The following MGST2 variants were observed in gnomAD, a reference collection of about 807,000 sequenced individuals.
The protein encoded by MGST2 is glutathione peroxidase MGST2.
Under a neutral mutation model 16.6 loss-of-function variants are expected in MGST2, and 9 were observed. The observed-to-expected ratio is 0.54, with a 90% CI of 0.33 to 0.95. MGST2 has a LOEUF of 0.95. Among genes scored for constraint, MGST2 ranks in the 40% least tolerant of loss-of-function variants. The pLI is 0.03. For missense variants in MGST2, 159 were observed against 175.1 expected (o/e 0.91, Z 0.52); for synonymous variants, 79 against 68.0 (o/e 1.16, Z -0.79).
Position 139,710,788 on chromosome 4 carries a change from T to A in MGST2, c.*48+6592T>A, listed in dbSNP as rs1262842632. Among the ~76,000 whole-genome samples, 4 of 152,194 alleles carry A rather than the reference T, an allele frequency of 2.6e-5. No homozygotes were observed. The East Asian group carries it at 7.7e-4, about 29-fold the overall frequency. ...TGCCTAAATTTGATGATGACTTTAT[T>A]CTGTGGCCTACTTTTCCTCTTAACC... On this transcript the variant is annotated intron_variant, in intron 5 of 5. Transcript: ENST00000616265.
intron 5 of MGST2, chr4:139,719,413 C>T (rs764758618): frequency 1.5e-5 from 24 of 1,613,890 alleles, no homozygotes; most frequent in South Asian, 4.4e-5. Context: ...CTGCACCGTC[C>T]GGGAGGCCAG....
chr4:139,731,047 C>A (rs966666165), intron 5 of MGST2: 2 of 206,430 alleles, frequency 9.7e-6, no homozygotes, highest in Non-Finnish European at 2.0e-5. Flanking sequence ...CCTGACCTCA[C>A]CTGTTAATCC....
At chr4:139,754,271 T>C in the MGST2 span, among the ~76,000 whole-genome samples, 2 of 152,254 alleles carry the variant, frequency 1.3e-5, no homozygotes. Context: ...GTTCTTATAG[T>C]TCTTTAAACA....
intron 1 of MGST2, among the ~76,000 whole-genome samples, chr4:139,675,798 A>C (rs1168752360): frequency 1.3e-5 from 2 of 152,228 alleles, no homozygotes; most frequent in Non-Finnish European, 2.9e-5. Flanking sequence ...TATTAGCCAC[A>C]TATGTCATGA....
the MGST2 span, among the ~76,000 whole-genome samples, chr4:139,750,891 T>G: frequency 2.0e-5 from 3 of 152,238 alleles, no homozygotes; most frequent in Admixed American, 1.3e-4. Context: ...GTTTTGCTTT[T>G]ACATTTCTGA....
intron 1 of MGST2, among the ~76,000 whole-genome samples, chr4:139,675,253 C>T (rs1037246081): frequency 2.0e-5 from 3 of 152,250 alleles, no homozygotes; most frequent in East Asian, 1.9e-4. Flanking sequence ...TTTTTATTTC[C>T]GTGCTTGAGG....
At chr4:139,683,483 T>G (rs139600222) in intron 2 of MGST2, among the ~76,000 whole-genome samples, 2 of 152,196 alleles carry the variant, frequency 1.3e-5, no homozygotes, top group East Asian at 3.9e-4. Context: ...GGAGAGGCCT[T>G]AAGCATTATG....
chr4:139,710,587 C>G (rs926166014), intron 5 of MGST2, among the ~76,000 whole-genome samples: 1 of 152,108 alleles, frequency 6.6e-6, no homozygotes, highest in African/African-American at 2.4e-5. Context: ...CCCATGTTTT[C>G]TGGGAGAGTG....
chr4:139,725,502 T>C (rs967791247), intron 5 of MGST2, among the ~76,000 whole-genome samples: 6 of 152,202 alleles, frequency 3.9e-5, no homozygotes, highest in African/African-American at 1.4e-4. Context: ...CTCCGACAGC[T>C]ACCCTGACCC....
At chr4:139,677,224 C>T (rs530221341) in intron 1 of MGST2, among the ~76,000 whole-genome samples, 1 of 151,778 alleles carries the variant, frequency 6.6e-6, no homozygotes, top group East Asian at 1.9e-4. Flanking sequence ...TAAGGACATG[C>T]CCGTGACATA....
At chr4:139,704,749 T>C (rs1259537522), downstream of MGST2, among the ~76,000 whole-genome samples, 2 of 151,816 alleles carry the variant, frequency 1.3e-5, no homozygotes, top group African/African-American at 4.8e-5. Flanking sequence ...AGTGAAACCC[T>C]GTCTCTACTA....
chr4:139,700,388 C>T lies in MGST2; in HGVS notation c.230-3067C>T, dbSNP rs563623065. On this transcript the variant is annotated intron_variant, in intron 3 of 4. Transcript: ENST00000265498. ...TCTCGTGATCCGCCAGTCTCGGCCTCCCAAAGTGCTGGGATTACAGGCGTG... is the reference window on the plus strand; with the variant it reads ...TCTCGTGATCCGCCAGTCTCGGCCTTCCAAAGTGCTGGGATTACAGGCGTG... 1.1e-4 allele frequency among the ~76,000 whole-genome samples: 16 copies of T among 152,216 alleles called. 1 individual carries two copies. In the South Asian group the frequency reaches 2.9e-3, roughly 28 times the overall value.
intron 2 of MGST2, among the ~76,000 whole-genome samples, chr4:139,685,600 C>T (rs957420726): frequency 6.6e-5 from 10 of 152,156 alleles, no homozygotes; most frequent in South Asian, 2.1e-4. Context: ...ATATCCTGTG[C>T]ACACCCATTT....
intron 2 of MGST2, among the ~76,000 whole-genome samples, chr4:139,688,389 T>C (rs1232523201): frequency 6.6e-6 from 1 of 152,254 alleles, no homozygotes. Context: ...TCCTATTTGC[T>C]TAATGCTGAA....
At chr4:139,716,679 A>G (rs1369047452) in intron 5 of MGST2, 1 of 152,620 alleles carries the variant, frequency 6.6e-6, no homozygotes, top group African/African-American at 2.4e-5. Flanking sequence ...AGTTAATTAA[A>G]ACCCAGGAAT....
At chr4:139,742,149 CTTTTTTT>C (rs67056013), downstream of MGST2, among the ~76,000 whole-genome samples, 1 of 113,690 alleles carries the variant, frequency 8.8e-6, no homozygotes, top group Non-Finnish European at 1.8e-5. Flanking sequence ...CTTTTCTTTT[CTTTTTTT>C]TTTTTTTTTT....
chr4:139,682,121 A>G lies in MGST2; in HGVS notation c.158+3479A>G, dbSNP rs1579301013. Among the ~76,000 whole-genome samples the G allele has an allele frequency of 2.0e-5, 3 of 152,182 alleles. No homozygotes were observed. In the East Asian group the frequency reaches 5.8e-4, roughly 29 times the overall value. On this transcript the variant is annotated intron_variant, in intron 2 of 4. Coordinates refer to ENST00000265498, the MANE Select transcript of MGST2 (RefSeq NM_002413.5). Reference sequence around the variant, plus strand: ...TGAGGTTGGAGGATTGGTTGAGCCCAGGAGTTCAAGGCTTCAGTGAGCTAT... The same window carrying G: ...TGAGGTTGGAGGATTGGTTGAGCCCGGGAGTTCAAGGCTTCAGTGAGCTAT...
At chr4:139,677,953 CT>C (rs1731047634) in intron 1 of MGST2, among the ~76,000 whole-genome samples, 1 of 152,194 alleles carries the variant, frequency 6.6e-6, no homozygotes, top group African/African-American at 2.4e-5. Context: ...GCAGGTTTGC[CT>C]GCTGGAGTTC....
intron 2 of MGST2, among the ~76,000 whole-genome samples, chr4:139,689,106 C>CAAAA (rs746270352): frequency 3.2e-5 from 2 of 62,366 alleles, no homozygotes; most frequent in Admixed American, 2.0e-4. Flanking sequence ...GACGCCATCT[C>CAAAA]AAAAAAAAAA....
Sources: gnomAD v4.1 joint callset for allele counts (sites outside exome capture counted in the v4.1 genomes callset) on GRCh38, gnomAD v4.1.1 for gene constraint, MANE v1.5 for transcripts, NCBI Gene and HGNC (gene_info 2026-07-23, HGNC 2026-07-21) for gene names.